Variants in WNT7A observed in about 807,000 individuals in gnomAD.
The protein encoded by WNT7A is Wnt family member 7A.
WNT7A carries 16 observed loss-of-function variants against 28.2 expected under a neutral mutation model. The ratio of observed to expected loss-of-function variants is 0.57; its 90% CI spans 0.38 to 0.86. The LOEUF is 0.86. Among genes scored for constraint, WNT7A ranks in the 40% least tolerant of loss-of-function variants. The pLI, the probability that WNT7A is intolerant of heterozygous loss-of-function variation, is 0.00. For synonymous variants in WNT7A, 190 were observed against 195.9 expected, an observed-to-expected ratio of 0.97 and a Z score of 0.25; for missense variants, 411 against 489.7, an observed-to-expected ratio of 0.84 and a Z score of 1.52.
chr3:13,874,130 GAT>G (rs1695066190), intron 2 of WNT7A, among the ~76,000 whole-genome samples: 1 of 152,136 alleles, frequency 6.6e-6, no homozygotes, highest in Non-Finnish European at 1.5e-5. Context: ...GAGGCGGCAG[GAT>G]ACCCAAAGAT....
chr3:13,842,039 C>T (rs1278007160), intron 3 of WNT7A, among the ~76,000 whole-genome samples: 3 of 151,734 alleles, frequency 2.0e-5, no homozygotes, highest in Admixed American at 6.6e-5. Context: ...ACAGGGAGAC[C>T]GCTGCAGGGG....
intron 2 of WNT7A, among the ~76,000 whole-genome samples, chr3:13,865,807 C>T (rs1694902117): frequency 6.6e-6 from 1 of 152,188 alleles, no homozygotes; most frequent in Non-Finnish European, 1.5e-5. Flanking sequence ...AGGACACATG[C>T]TGGCGGTCTG....
chr3:13,851,962 C>T (rs937056418), intron 3 of WNT7A, among the ~76,000 whole-genome samples: 16 of 152,264 alleles, frequency 1.1e-4, no homozygotes, highest in Admixed American at 2.6e-4. Flanking sequence ...CTGATTCGGC[C>T]TGCAGACCAC....
chr3:13,872,834 T>C (rs1218310791), intron 2 of WNT7A, among the ~76,000 whole-genome samples: 2 of 152,172 alleles, frequency 1.3e-5, no homozygotes. Context: ...TACTGACTGT[T>C]CTGAGACTGA....
intron 3 of WNT7A, among the ~76,000 whole-genome samples, chr3:13,851,784 G>A (rs1694642104): frequency 6.6e-6 from 1 of 152,180 alleles, no homozygotes; most frequent in Non-Finnish European, 1.5e-5. Flanking sequence ...CCCAACTGAG[G>A]AGCCTATGAT....
At chr3:13,857,094 G>T (rs1694758847) in intron 2 of WNT7A, among the ~76,000 whole-genome samples, 1 of 152,194 alleles carries the variant, frequency 6.6e-6, no homozygotes, top group African/African-American at 2.4e-5. Flanking sequence ...CACAGGAACA[G>T]GCTCGATTTC....
chr3:13,844,799 G>A (rs1186769231), intron 3 of WNT7A, among the ~76,000 whole-genome samples: 1 of 152,138 alleles, frequency 6.6e-6, no homozygotes, highest in East Asian at 1.9e-4. Flanking sequence ...TAGGAAAAGT[G>A]ACAGCTGCCA....
intron 3 of WNT7A, among the ~76,000 whole-genome samples, chr3:13,831,211 C>T (rs1430483552): frequency 4.6e-5 from 7 of 152,174 alleles, no homozygotes; most frequent in African/African-American, 4.8e-5. Flanking sequence ...GCAGACTGAG[C>T]GGCACAAGGG....
chr3:13,819,005 C>G lies in WNT7A; in HGVS notation c.989G>C (p.Trp330Ser), dbSNP rs1330417814. 6.2e-7 allele frequency: 1 copy of G among 1,610,524 alleles called. No individual in the cohort carries two copies. Among genetic ancestry groups the G allele is most frequent in the African/African-American group, 1.3e-5 (1 of 74,876 alleles). ...CGTGTTGCACTTGACATAGCAGCAC[C>G]AGTGGAACTTACAGTTGCACTGCCA... Reference protein sequence around the residue: ...RVWQCNCKFHWCCYVKCNTCS... With the variant: ...RVWQCNCKFHSCCYVKCNTCS... Residue 330 changes from tryptophan to serine, a missense_variant, in exon 4 of 4, where the codon TGG becomes TCG. Transcript: ENST00000285018.
rs1695187533 is a variant in WNT7A at position 13,880,063 on chromosome 3, T to A, written c.-247A>T. The A allele has an allele frequency of 3.0e-6, 1 of 334,816 alleles. No homozygotes were observed. The highest frequency in any genetic ancestry group is 4.5e-5 in the East Asian group (1 of 22,196). 20.7% of individuals were successfully genotyped at this position (334,816 alleles called of 1,614,324 possible). A position where few individuals can be genotyped will look rare whatever the true frequency, so the allele number is the denominator to read the frequency against. ...CGCCGGGCTGCGCGCGAGCGACCGG[T>A]GCAAGTGTGCGAGACGCGGGGAGTG... On this transcript the variant is annotated 5_prime_UTR_variant, in exon 1 of 4. Transcript: ENST00000285018.
At chr3:13,848,061 ATTT>A (rs1195045650) in intron 3 of WNT7A, among the ~76,000 whole-genome samples, 6 of 139,950 alleles carry the variant, frequency 4.3e-5, no homozygotes, top group African/African-American at 1.7e-4. Context: ...AAATTAATGA[ATTT>A]TTTAAAAAAA....
rs375502291 is a variant in WNT7A at position 13,832,774 on chromosome 3, G to A, written c.571-13351C>T. 3.5e-4 allele frequency among the ~76,000 whole-genome samples: 53 copies of A among 152,204 alleles called. 1 individual carries two copies. Among genetic ancestry groups the A allele is most frequent in the Middle Eastern group, 3.4e-3 (1 of 294 alleles). ...GACATGGAGGGGATGGCAGGGAAAA[G>A]GTGCACCCCATAGGACAGGGCCCCT... On this transcript the variant is annotated intron_variant, in intron 3 of 3. Coordinates refer to ENST00000285018, the MANE Select transcript of WNT7A (RefSeq NM_004625.4).
chr3:13,870,550 T>C (rs1364974295), intron 2 of WNT7A, among the ~76,000 whole-genome samples: 2 of 152,226 alleles, frequency 1.3e-5, no homozygotes, highest in African/African-American at 4.8e-5. Context: ...AGAGATGGTC[T>C]GGGTGGGGCT....
chr3:13,821,804 C>A (rs1317611651), intron 3 of WNT7A, among the ~76,000 whole-genome samples: 1 of 152,194 alleles, frequency 6.6e-6, no homozygotes, highest in African/African-American at 2.4e-5. Flanking sequence ...TGGCCAGGGG[C>A]ACCCAGCTGT....
chr3:13,867,621 A>G (rs150350028), intron 2 of WNT7A, among the ~76,000 whole-genome samples: 3,187 of 152,228 alleles, frequency 0.021, 51 homozygotes, highest in Middle Eastern at 0.034. Context: ...GATAGAGTGA[A>G]GCCTCCCACA....
At chr3:13,873,680 G>C (rs4685045) in intron 2 of WNT7A, among the ~76,000 whole-genome samples, 76,013 of 151,996 alleles carry the variant, frequency 0.5, 20,035 homozygotes, top group East Asian at 0.76. Context: ...GGAATGGATT[G>C]AGACAGTGTG....
chr3:13,869,806 T>C (rs1695003003), intron 2 of WNT7A, among the ~76,000 whole-genome samples: 1 of 152,100 alleles, frequency 6.6e-6, no homozygotes, highest in Non-Finnish European at 1.5e-5. Flanking sequence ...TAGCAGTTGG[T>C]CAAACTGATG....
intron 3 of WNT7A, among the ~76,000 whole-genome samples, chr3:13,849,711 G>A (rs1169816665): frequency 6.6e-6 from 1 of 152,172 alleles, no homozygotes; most frequent in Non-Finnish European, 1.5e-5. Context: ...ACAGACAGCA[G>A]GGGAGGGAAG....
chr3:13,838,509 C>T (rs545733362), intron 3 of WNT7A, among the ~76,000 whole-genome samples: 99 of 152,348 alleles, frequency 6.5e-4, no homozygotes, highest in Non-Finnish European at 1.1e-3. Flanking sequence ...TGAGCCTGGT[C>T]CTTCAACAAG....
Sources: allele counts gnomAD v4.1 joint callset (sites outside exome capture counted in the v4.1 genomes callset), GRCh38; gene constraint gnomAD v4.1.1; transcripts MANE v1.5; gene names NCBI Gene and HGNC (gene_info 2026-07-23, HGNC 2026-07-21).